The following FBXL13 variants were observed in gnomAD, a reference collection of about 807,000 sequenced individuals.
FBXL13 encodes the protein F-box and leucine rich repeat protein 13, also known as F-box and leucine-rich repeat protein 13.
In FBXL13, 67 loss-of-function variants were observed where a neutral mutation model predicts 83.6. The ratio of observed to expected loss-of-function variants is 0.80; its 90% CI spans 0.66 to 0.98. FBXL13 has a LOEUF of 0.98. FBXL13 is among the 50% of genes least tolerant of loss of function. FBXL13 has a pLI of 0.00. For missense variants in FBXL13, 822 were observed against 866.5 expected, an observed-to-expected ratio of 0.95 and a Z score of 0.64; for synonymous variants, 272 against 299.5, an observed-to-expected ratio of 0.91 and a Z score of 0.95.
intron 11 of FBXL13, among the ~76,000 whole-genome samples, chr7:102,895,755 C>G (rs75335406): frequency 0.025 from 3,836 of 152,244 alleles, 160 homozygotes; most frequent in East Asian, 0.16. Context: ...TCATCACCCT[C>G]CCAATTGGCA....
At chr7:102,894,746 G>T (rs1365560678) in intron 11 of FBXL13, among the ~76,000 whole-genome samples, 1 of 144,904 alleles carries the variant, frequency 6.9e-6, no homozygotes, top group South Asian at 2.1e-4. Flanking sequence ...AAAAAAAAAA[G>T]AGAGAGAGAG....
chr7:102,967,858 A>C (rs142844672), intron 7 of FBXL13, among the ~76,000 whole-genome samples, 164 bp downstream of exon 8: 6 of 152,354 alleles, frequency 3.9e-5, no homozygotes, highest in Admixed American at 3.3e-4. Context: ...TATCTTTTTT[A>C]TCTCTTCCCC....
chr7:102,892,040 C>G lies in FBXL13; in HGVS notation c.1009-7728G>C, dbSNP rs1469240490. Reference sequence around the variant, plus strand: ...CCACATGCTCACCCAGGTCCAAGACCAAAATAGAGTTTTGTAAGCAGTTCA... The same window carrying G: ...CCACATGCTCACCCAGGTCCAAGACGAAAATAGAGTTTTGTAAGCAGTTCA... On this transcript the variant is annotated intron_variant, in intron 11 of 19. Coordinates refer to ENST00000313221, the Ensembl canonical transcript of FBXL13. Among the ~76,000 whole-genome samples the G allele has an allele frequency of 6.6e-5, 10 of 152,114 alleles. No individual in the cohort carries two copies. In the East Asian group the frequency reaches 1.9e-3, roughly 29 times the overall value.
chr7:102,833,170 A>C (rs1801025391), intron 17 of FBXL13, among the ~76,000 whole-genome samples, 196 bp from the exon 19 acceptor site: 1 of 152,240 alleles, frequency 6.6e-6, no homozygotes, highest in Non-Finnish European at 1.5e-5. Flanking sequence ...AAAGCAGCTT[A>C]ACAGCTTAGT....
chr7:102,881,269 G>T (rs1810018168), intron 14 of FBXL13, among the ~76,000 whole-genome samples: 1 of 151,570 alleles, frequency 6.6e-6, no homozygotes, highest in Admixed American at 6.6e-5. Context: ...AACATGGTGA[G>T]ACCCTATCTC....
intron 17 of FBXL13, among the ~76,000 whole-genome samples, chr7:102,838,774 C>T (rs990115455): frequency 7.9e-5 from 12 of 152,236 alleles, no homozygotes; most frequent in East Asian, 1.9e-4. Flanking sequence ...TCTGCAGTCT[C>T]GATAAACCAG....
At chr7:102,993,427 C>T (rs1037254951) in intron 6 of FBXL13, among the ~76,000 whole-genome samples, 1 of 152,184 alleles carries the variant, frequency 6.6e-6, no homozygotes. Flanking sequence ...ATATCTTTTA[C>T]AAACAAGAAG....
chr7:102,877,207 C>A (rs1394659342), intron 16 of FBXL13, among the ~76,000 whole-genome samples: 1 of 152,154 alleles, frequency 6.6e-6, no homozygotes, highest in Non-Finnish European at 1.5e-5. Flanking sequence ...TGAAACAAAT[C>A]TCAAATTATC....
At chr7:103,020,588 C>A (rs148076166) in intron 6 of FBXL13, among the ~76,000 whole-genome samples, 1 of 152,286 alleles carries the variant, frequency 6.6e-6, no homozygotes, top group Admixed American at 6.5e-5. Flanking sequence ...AAAACCCCAT[C>A]GTCTCAGCCC....
chr7:102,828,263 C>T (rs1395572424), intron 18 of FBXL13, among the ~76,000 whole-genome samples: 2 of 152,098 alleles, frequency 1.3e-5, no homozygotes, highest in Non-Finnish European at 2.9e-5. Flanking sequence ...TTTCATTGAG[C>T]AGTGGTTTGT....
At chr7:102,829,876 C>G (rs1800353638) in intron 18 of FBXL13, among the ~76,000 whole-genome samples, 1 of 152,106 alleles carries the variant, frequency 6.6e-6, no homozygotes. Flanking sequence ...TTAGGTTGGA[C>G]CACAGCCTTA....
chr7:102,908,381 C>T (rs940426882), intron 11 of FBXL13, among the ~76,000 whole-genome samples: 1 of 152,202 alleles, frequency 6.6e-6, no homozygotes, highest in Non-Finnish European at 1.5e-5. Flanking sequence ...TGAAAGATTA[C>T]ATATCTCTGT....
At chr7:103,057,795 G>T (rs1797478056) in intron 1 of FBXL13, among the ~76,000 whole-genome samples, 1 of 152,176 alleles carries the variant, frequency 6.6e-6, no homozygotes, top group Admixed American at 6.5e-5. Context: ...TGAGACAGAT[G>T]AAAAGGTCTG....
intron 8 of FBXL13, chr7:102,944,702 T>C: frequency 8.9e-7 from 1 of 1,122,160 alleles, no homozygotes; most frequent in Non-Finnish European, 1.2e-6. Context: ...TGCCTATTTA[T>C]GCAGGGTAAT....
intron 9 of FBXL13, among the ~76,000 whole-genome samples, chr7:102,929,788 G>C (rs1344968853): frequency 6.6e-6 from 1 of 152,106 alleles, no homozygotes; most frequent in Non-Finnish European, 1.5e-5. Flanking sequence ...GGTTCTGTTA[G>C]GGGTGAGGGA....
rs566409435 is a variant in FBXL13 at position 102,875,622 on chromosome 7, A to G, written c.1635+1845T>C. 2.0e-5 allele frequency among the ~76,000 whole-genome samples: 3 copies of G among 152,252 alleles called. No individual in the cohort carries two copies. The South Asian group carries it at 6.2e-4, about 32-fold the overall frequency. ...TCGTCATTGTATCAGTTAAGAGTCA[A>G]CGGGAAAAGCAGAAACAACCCTGAG... On this transcript the variant is annotated intron_variant, in intron 16 of 19. Coordinates refer to ENST00000313221, the Ensembl canonical transcript of FBXL13.
At chr7:102,896,026 AG>A (rs1348349555) in intron 11 of FBXL13, among the ~76,000 whole-genome samples, 1 of 152,252 alleles carries the variant, frequency 6.6e-6, no homozygotes, top group African/African-American at 2.4e-5. Flanking sequence ...GGGAACAGCC[AG>A]TGTGAAACCC....
At chr7:103,058,472 T>C (rs6961134) in intron 1 of FBXL13, among the ~76,000 whole-genome samples, 1,677 of 152,336 alleles carry the variant, frequency 0.011, 35 homozygotes, top group African/African-American at 0.039. Context: ...CCATCTATTA[T>C]CTGGAGGCCA....
chr7:102,876,399 A>G (rs1345637615), intron 16 of FBXL13, among the ~76,000 whole-genome samples: 2 of 152,112 alleles, frequency 1.3e-5, no homozygotes, highest in African/African-American at 4.8e-5. Flanking sequence ...CTTCCTACCC[A>G]CAATCTCACA....
Sources: allele counts gnomAD v4.1 joint callset (sites outside exome capture counted in the v4.1 genomes callset), GRCh38; gene constraint gnomAD v4.1.1; transcripts MANE v1.5; gene names NCBI Gene and HGNC (gene_info 2026-07-23, HGNC 2026-07-21).